The following CDC42EP5 variants were observed in gnomAD, a reference collection of about 807,000 sequenced individuals.
CDC42EP5 encodes CDC42 effector protein (Rho GTPase binding) 5.
For missense variants in CDC42EP5, 269 were observed against 238.0 expected, an observed-to-expected ratio of 1.13 and a Z score of -0.86; for synonymous variants, 118 against 123.3, an observed-to-expected ratio of 0.96 and a Z score of 0.28.
chr19:54,471,098 A>G (rs1033651352), intron 2 of CDC42EP5, among the ~76,000 whole-genome samples: 4 of 152,174 alleles, frequency 2.6e-5, no homozygotes, highest in Non-Finnish European at 5.9e-5. Flanking sequence ...GCTCGGAAAA[A>G]GTCCCTCACG....
At position 54,465,281 on chromosome 19, in the gene CDC42EP5, C is replaced by A. The variant is rs572246470; in HGVS notation, c.267G>T (p.Leu89=). Residue 89 remains leucine, a synonymous_variant, in exon 3 of 3, where the codon CTG becomes CTT. Coordinates refer to ENST00000301200, the MANE Select transcript of CDC42EP5 (RefSeq NM_145057.4). ...SAAPSPADPL[L]SFHLDLGPSM... ...AGGGCCCCAGATCCAGGTGGAAGGA[C>A]AGCAGCGGGTCGGCAGGCGAGGGCG... 3.8e-6 allele frequency: 5 copies of A among 1,313,142 alleles called. No individual in the cohort carries two copies. In the South Asian group the frequency reaches 6.3e-5, roughly 17 times the overall value. The allele number at this position is 1,313,142 out of a possible 1,614,324, so 81.3% of individuals were successfully genotyped here.
At chr19:54,470,236 G>A (rs1010525854) in intron 2 of CDC42EP5, among the ~76,000 whole-genome samples, 1 of 152,074 alleles carries the variant, frequency 6.6e-6, no homozygotes, top group East Asian at 1.9e-4. Context: ...GCCAGGTGCT[G>A]TGTCATGCAC....
Position 54,465,535 on chromosome 19 carries a change from T to G in CDC42EP5, c.13A>C (p.Lys5Gln). ...TTGGGCTGCGCGGGGCCCAGCTGCT[T>G]CAGCACGGGCATCTGCGAGGGGCAC... MPVL[K>Q]QLGPAQPKKR... The change falls in exon 3 of 3, where the codon AAG (lysine) becomes CAG (glutamine). Residue 5 changes from lysine to glutamine, a missense_variant. Physicochemically the swap from Lys to Gln is moderately conservative, Grantham distance 53. Coordinates refer to ENST00000301200, the MANE Select transcript of CDC42EP5 (RefSeq NM_145057.4). 6.5e-7 allele frequency: 1 copy of G among 1,535,478 alleles called. No individual in the cohort carries two copies. The highest frequency in any genetic ancestry group is 8.7e-7 in the Non-Finnish European group (1 of 1,152,996).
chr19:54,470,473 GAA>G (rs1453678873), intron 2 of CDC42EP5, among the ~76,000 whole-genome samples: 1 of 141,962 alleles, frequency 7.0e-6, no homozygotes. Context: ...GAAAGAGAAA[GAA>G]AGAGAAAGAA....
chr19:54,473,065 T>G lies in CDC42EP5; in HGVS notation c.-143A>C, dbSNP rs1051023777. The G allele has an allele frequency of 1.3e-5, 2 of 153,150 alleles. No individual in the cohort carries two copies. The highest frequency in any genetic ancestry group is 4.9e-5 in the African/African-American group (2 of 40,770). 9.5% of individuals were successfully genotyped at this position (153,150 alleles called of 1,614,324 possible). ...AGCCCTGGCATAAGGCCCCTTTACC[T>G]GCACCGGGAGCTAAAGTGTCAGCCC... On this transcript the variant is annotated splice_region_variant and 5_prime_UTR_variant, in exon 1 of 3. Transcript: ENST00000301200.
chr19:54,469,726 G>A (rs919637079), intron 2 of CDC42EP5, among the ~76,000 whole-genome samples: 3 of 152,186 alleles, frequency 2.0e-5, no homozygotes, highest in African/African-American at 7.2e-5. Context: ...TTCCAGAGAA[G>A]GAAATGGGTG....
rs1490005328 is a variant in CDC42EP5, at chr19:54,470,144, G to C, written c.-1+1401C>G. ...GCTCTTTGGGAGGCTGAGACAGCAG[G>C]ATCACTTGAGCCCAGGAGTTTGAGA... is the stretch of plus-strand genomic sequence containing the variant. On this transcript the variant is annotated intron_variant, in intron 2 of 2. Coordinates refer to ENST00000301200, the MANE Select transcript of CDC42EP5 (RefSeq NM_145057.4). Among the ~76,000 whole-genome samples, 6 of 152,124 alleles carry C rather than the reference G, an allele frequency of 3.9e-5. No homozygotes were observed. The East Asian group carries it at 1.2e-3, about 29-fold the overall frequency.
intron 2 of CDC42EP5, among the ~76,000 whole-genome samples, chr19:54,469,054 G>C (rs1018561021): frequency 6.6e-6 from 1 of 151,062 alleles, no homozygotes; most frequent in African/African-American, 2.4e-5. Context: ...GAGTGCAATG[G>C]CGCGATCTCG....
intron 2 of CDC42EP5, among the ~76,000 whole-genome samples, chr19:54,470,155 C>T (rs2084815221): frequency 6.6e-6 from 1 of 152,048 alleles, no homozygotes; most frequent in South Asian, 2.1e-4. Flanking sequence ...ATCACTTGAG[C>T]CCAGGAGTTT....
chr19:54,468,148 C>T (rs1466037182), intron 2 of CDC42EP5, among the ~76,000 whole-genome samples: 1 of 152,064 alleles, frequency 6.6e-6, no homozygotes, highest in Non-Finnish European at 1.5e-5. Context: ...GTAATGCTAG[C>T]GTTGGGGGGA....
At chr19:54,471,767 G>A (rs982665466) in intron 1 of CDC42EP5, 82 bp from the exon 2 acceptor site, 13 of 157,432 alleles carry the variant, frequency 8.3e-5, no homozygotes, top group Non-Finnish European at 4.2e-5. Context: ...CTCCTCCTTC[G>A]CCCTCAGGTC....
intron 2 of CDC42EP5, among the ~76,000 whole-genome samples, chr19:54,468,346 T>TAC (rs71959392): frequency 0.045 from 6,694 of 148,536 alleles, 188 homozygotes; most frequent in East Asian, 0.091. Flanking sequence ...AAGACTGGCC[T>TAC]ACACACACAC....
At chr19:54,471,852 T>C in intron 1 of CDC42EP5, among the ~76,000 whole-genome samples, 167 bp from the exon 2 acceptor site, 1 of 143,482 alleles carries the variant, frequency 7.0e-6, no homozygotes, top group Non-Finnish European at 1.5e-5. Context: ...CCCTTCTTCC[T>C]CAGACCCAGG....
At chr19:54,467,784 A>G (rs1361405530) in intron 2 of CDC42EP5, among the ~76,000 whole-genome samples, 3 of 152,166 alleles carry the variant, frequency 2.0e-5, no homozygotes, top group African/African-American at 7.2e-5. Flanking sequence ...TGGCCTCCCA[A>G]AGTGTTGGGA....
chr19:54,465,167 C>A lies in CDC42EP5; in HGVS notation c.381G>T (p.Thr127=). Residue 127 remains threonine, a synonymous_variant, in exon 3 of 3, where the codon ACG becomes ACT. Coordinates refer to ENST00000301200, the MANE Select transcript of CDC42EP5 (RefSeq NM_145057.4). Reference sequence around the variant, plus strand: ...GGCGGCAGCGGGCCTGGGGGGGCTGCGTCCCGGGGCGGGGTTCCGCGTCGG... The same window carrying A: ...GGCGGCAGCGGGCCTGGGGGGGCTGAGTCCCGGGGCGGGGTTCCGCGTCGG... The part of the protein sequence containing the change: ...AKPDAEPRPG[T]QPPQARCRPN... 7.1e-7 allele frequency: 1 copy of A among 1,408,764 alleles called. No homozygotes were observed. 87.3% of individuals were successfully genotyped at this position (1,408,764 alleles called of 1,614,324 possible).
Position 54,473,086 on chromosome 19 carries a change from A to T in CDC42EP5, c.-164T>A, listed in dbSNP as rs1006698765. 6.5e-6 allele frequency: 1 copy of T among 154,916 alleles called. No individual in the cohort carries two copies. The highest frequency in any genetic ancestry group is 2.4e-5 in the African/African-American group (1 of 41,468). 9.6% of individuals were successfully genotyped at this position (154,916 alleles called of 1,614,324 possible). On this transcript the variant is annotated 5_prime_UTR_variant, in exon 1 of 3. It removes the in-frame stop codon of an upstream open reading frame in the 5' UTR. Coordinates refer to ENST00000301200, the MANE Select transcript of CDC42EP5 (RefSeq NM_145057.4). Reference sequence around the variant, plus strand: ...TACCTGCACCGGGAGCTAAAGTGTCAGCCCCTCTCGGGGGCCATGGCAGGA... The same window carrying T: ...TACCTGCACCGGGAGCTAAAGTGTCTGCCCCTCTCGGGGGCCATGGCAGGA...
intron 2 of CDC42EP5, 55 bp from the exon 3 acceptor site, chr19:54,465,602 C>A: frequency 7.2e-7 from 1 of 1,392,920 alleles, no homozygotes; most frequent in Admixed American, 3.5e-5. Context: ...CGCAGCCACG[C>A]GACTGCTCAA....
In CDC42EP5 at chr19:54,465,395, G is replaced by C. The variant is rs557776710; in HGVS notation, c.153C>G (p.Arg51=). The change falls in exon 3 of 3, where the codon CGC becomes CGG. Residue 51 remains arginine (R), a synonymous_variant. Transcript: ENST00000301200. ...GCTCGGGGGGCGGCCCGCCGCCGTGGCGGCTCAGGAACGAGGTGTCCCCGA... is the reference window on the plus strand; with the variant it reads ...GCTCGGGGGGCGGCCCGCCGCCGTGCCGGCTCAGGAACGAGGTGTCCCCGA... ...DAFGDTSFLS[R]HGGGPPPEPR... 2.5e-5 allele frequency: 31 copies of C among 1,234,428 alleles called. No individual in the cohort carries two copies. Among genetic ancestry groups the C allele is most frequent in the Non-Finnish European group, 3.0e-5 (30 of 983,988 alleles). 76.5% of individuals were successfully genotyped at this position (1,234,428 alleles called of 1,614,324 possible).
intron 2 of CDC42EP5, among the ~76,000 whole-genome samples, chr19:54,467,571 T>TC (rs1483343788): frequency 1.0e-4 from 15 of 150,242 alleles, no homozygotes; most frequent in African/African-American, 3.7e-4. Context: ...CCAAATTCTT[T>TC]TTTTTTTTTT....
Sources: gnomAD v4.1 joint callset for allele counts (sites outside exome capture counted in the v4.1 genomes callset) on GRCh38, gnomAD v4.1.1 for gene constraint, MANE v1.5 for transcripts, NCBI Gene and HGNC (gene_info 2026-07-23, HGNC 2026-07-21) for gene names.